BTG4: variants seen among roughly 807,000 people sequenced by gnomAD.
The protein encoded by BTG4 is protein BTG4.
Under a neutral mutation model 19.3 loss-of-function variants are expected in BTG4, and 10 were observed. The observed-to-expected ratio is 0.52, with a 90% CI of 0.32 to 0.88. The LOEUF (loss-of-function observed/expected upper bound fraction) is 0.88, where lower values mean the gene tolerates loss of function less well. BTG4 is among the 40% of genes least tolerant of loss of function. The pLI, the probability that BTG4 is intolerant of heterozygous loss-of-function variation, is 0.04. For missense variants in BTG4, 238 were observed against 281.9 expected (o/e 0.84, Z 1.11); for synonymous variants, 91 against 95.7 (o/e 0.95, Z 0.29).
At chr11:111,419,860 T>C in the BTG4 span, among the ~76,000 whole-genome samples, 2 of 152,222 alleles carry the variant, frequency 1.3e-5, no homozygotes, top group Admixed American at 6.5e-5. Context: ...CTCTTCACTA[T>C]TGGGTGCCAG....
chr11:111,470,688 AGAAAGATCACTT>A (rs1864007256), intron 5 of BTG4, among the ~76,000 whole-genome samples: 2 of 152,308 alleles, frequency 1.3e-5, no homozygotes, highest in Admixed American at 1.3e-4. Flanking sequence ...AGGCCGAGGC[AGAAAGATCACTT>A]GAGCCCAGGA....
At chr11:111,399,316 C>G in the BTG4 span, 1 of 152,222 alleles carries the variant, frequency 6.6e-6, no homozygotes, top group African/African-American at 2.4e-5. Context: ...CACTTAGCCT[C>G]TGGCATGAGA....
At chr11:111,394,106 T>C in the BTG4 span, among the ~76,000 whole-genome samples, 1 of 152,098 alleles carries the variant, frequency 6.6e-6, no homozygotes, top group Non-Finnish European at 1.5e-5. Context: ...GACCAAGAAA[T>C]GGCCATTGTA....
chr11:111,417,573 T>C, the BTG4 span: 3 of 152,196 alleles, frequency 2.0e-5, no homozygotes, highest in Non-Finnish European at 4.4e-5. Context: ...CAGCATGAAC[T>C]GCCCCTAATT....
chr11:111,473,807 C>T (rs933404979), intron 5 of BTG4, among the ~76,000 whole-genome samples: 1 of 152,108 alleles, frequency 6.6e-6, no homozygotes, highest in African/African-American at 2.4e-5. Context: ...AGACTTGCCC[C>T]CATTCATCAA....
At chr11:111,500,141 C>CA (rs112140379) in intron 1 of BTG4, among the ~76,000 whole-genome samples, 3,295 of 142,900 alleles carry the variant, frequency 0.023, 132 homozygotes, top group African/African-American at 0.079. Flanking sequence ...GACTCCGTCT[C>CA]AAAAAATAAA....
At chr11:111,384,168 C>T in the BTG4 span, among the ~76,000 whole-genome samples, 162 of 152,152 alleles carry the variant, frequency 1.1e-3, 1 homozygote, top group African/African-American at 3.7e-3. Flanking sequence ...CTGAAAGTAA[C>T]GGCAGTTTTA....
intron 5 of BTG4, chr11:111,475,069 T>TA: frequency 6.5e-6 from 1 of 152,720 alleles, no homozygotes; most frequent in South Asian, 2.1e-4. Context: ...AACAACTATA[T>TA]AATGTTTATT....
the BTG4 span, among the ~76,000 whole-genome samples, chr11:111,403,061 T>C: frequency 6.6e-6 from 1 of 152,084 alleles, no homozygotes; most frequent in Middle Eastern, 3.2e-3. Flanking sequence ...TCTCACTCCA[T>C]AGAAAGACTT....
At chr11:111,431,951 G>A in the BTG4 span, among the ~76,000 whole-genome samples, 10 of 152,144 alleles carry the variant, frequency 6.6e-5, no homozygotes, top group Non-Finnish European at 1.5e-4. Flanking sequence ...AGAAGCCAGA[G>A]AACTAAATAT....
the BTG4 span, among the ~76,000 whole-genome samples, chr11:111,440,307 A>G: frequency 6.6e-6 from 1 of 152,204 alleles, no homozygotes; most frequent in Admixed American, 6.5e-5. Context: ...CTTCTGCTAC[A>G]TTCTATTAGT....
the BTG4 span, among the ~76,000 whole-genome samples, chr11:111,402,880 TA>T: frequency 6.6e-6 from 1 of 152,036 alleles, no homozygotes; most frequent in Non-Finnish European, 1.5e-5. Flanking sequence ...ATAATAATAA[TA>T]ATACATCAGA....
At chr11:111,464,426 C>G (rs1255266110), downstream of BTG4, 1 of 152,326 alleles carries the variant, frequency 6.6e-6, no homozygotes, top group African/African-American at 2.4e-5. Flanking sequence ...CATGGATACA[C>G]ATTAGGGGGT....
intron 5 of BTG4, among the ~76,000 whole-genome samples, chr11:111,480,155 C>T (rs1486904229): frequency 6.6e-6 from 1 of 151,872 alleles, no homozygotes; most frequent in African/African-American, 2.4e-5. Flanking sequence ...AAAATAGATA[C>T]TATGCAAACA....
chr11:111,502,847 G>C (rs186335235), intron 1 of BTG4, among the ~76,000 whole-genome samples: 8 of 152,284 alleles, frequency 5.3e-5, no homozygotes, highest in African/African-American at 1.4e-4. Context: ...GTTATGAATA[G>C]AACAGTAGAA....
chr11:111,496,003 C>A (rs1944115), intron 4 of BTG4, among the ~76,000 whole-genome samples: 2 of 151,956 alleles, frequency 1.3e-5, no homozygotes, highest in South Asian at 4.1e-4. Context: ...AAACTAGGGA[C>A]AAAACATTTG....
chr11:111,448,899 T>C, the BTG4 span, among the ~76,000 whole-genome samples: 2 of 152,134 alleles, frequency 1.3e-5, no homozygotes, highest in African/African-American at 4.8e-5. Context: ...AAAAAAAAAA[T>C]TGTCTAAAAT....
the BTG4 span, among the ~76,000 whole-genome samples, chr11:111,415,307 T>C: frequency 6.6e-6 from 1 of 152,192 alleles, no homozygotes; most frequent in Non-Finnish European, 1.5e-5. Flanking sequence ...TCTCCTTCAT[T>C]CCTCTACAGA....
chr11:111,502,637 C>G lies in BTG4; in HGVS notation c.-26-3835G>C, dbSNP rs139459952. ...AAGGCAACAGATGCATTAACAAACA[C>G]AAAATTTTTTTTCTTTTCAAATGGT... On this transcript the variant is annotated intron_variant, in intron 1 of 4. Transcript: ENST00000692032. Among the ~76,000 whole-genome samples the G allele has an allele frequency of 8.3e-3, 1,262 of 152,244 alleles. 19 individuals carry two copies. The highest frequency in any genetic ancestry group is 0.029 in the African/African-American group (1,209 of 41,562).
Sources: gnomAD v4.1 joint callset for allele counts (sites outside exome capture counted in the v4.1 genomes callset) on GRCh38, gnomAD v4.1.1 for gene constraint, MANE v1.5 for transcripts, NCBI Gene and HGNC (gene_info 2026-07-23, HGNC 2026-07-21) for gene names.